The following ORC2 variants were observed in gnomAD, a reference collection of about 807,000 sequenced individuals.
The protein encoded by ORC2 is origin recognition complex protein 2 homolog.
ORC2 carries 37 observed loss-of-function variants against 77.7 expected under a neutral mutation model. That is an observed-to-expected ratio of 0.48 (90% confidence interval 0.37 to 0.63). ORC2 has a LOEUF of 0.63. Among genes scored for constraint, ORC2 ranks in the 20% least tolerant of loss-of-function variants. The pLI is 0.00. For missense variants in ORC2, 557 were observed against 661.9 expected (o/e 0.84, Z 1.74); for synonymous variants, 201 against 229.5 (o/e 0.88, Z 1.12).
chr2:200,940,675 A>T (rs2041132767), intron 7 of ORC2, among the ~76,000 whole-genome samples: 2 of 151,976 alleles, frequency 1.3e-5, no homozygotes, highest in African/African-American at 4.8e-5. Flanking sequence ...GGTGGTGCAC[A>T]CCTGTAATCC....
intron 10 of ORC2, among the ~76,000 whole-genome samples, chr2:200,933,514 C>T (rs781709232): frequency 5.3e-5 from 8 of 151,956 alleles, no homozygotes; most frequent in East Asian, 3.9e-4. Context: ...AAATAATAAA[C>T]GAGTAAGAGG....
chr2:200,914,936 TCA>T (rs759136445), intron 15 of ORC2, among the ~76,000 whole-genome samples: 2 of 150,918 alleles, frequency 1.3e-5, no homozygotes, highest in Non-Finnish European at 2.9e-5. Context: ...TAACAGAAAT[TCA>T]CACATTTATA....
At chr2:200,939,188 T>TA (rs967825773) in intron 7 of ORC2, among the ~76,000 whole-genome samples, 32 of 152,070 alleles carry the variant, frequency 2.1e-4, no homozygotes, top group Admixed American at 1.0e-3. Flanking sequence ...TATATATAAC[T>TA]AAAAAAAATT....
intron 4 of ORC2, among the ~76,000 whole-genome samples, chr2:200,952,552 C>T (rs1484041191): frequency 2.0e-5 from 3 of 151,976 alleles, no homozygotes; most frequent in African/African-American, 7.2e-5. Flanking sequence ...TGAGCCACCG[C>T]GCCCGGCCTA....
intron 6 of ORC2, 47 bp downstream of exon 6, chr2:200,942,638 G>T: frequency 2.0e-6 from 2 of 1,013,524 alleles, no homozygotes; most frequent in Non-Finnish European, 3.0e-6. Flanking sequence ...GCTCTATCTT[G>T]AAGCAACTAT....
chr2:200,931,613 A>G (rs2040942709), intron 10 of ORC2, among the ~76,000 whole-genome samples, 165 bp from the exon 11 acceptor site: 1 of 152,188 alleles, frequency 6.6e-6, no homozygotes, highest in African/African-American at 2.4e-5. Context: ...CAAAATTCTT[A>G]AAAAATAATT....
intron 14 of ORC2, 46 bp downstream of exon 14, chr2:200,920,947 G>GT (rs1179599213): frequency 7.3e-7 from 1 of 1,367,300 alleles, no homozygotes; most frequent in African/African-American, 1.5e-5. Flanking sequence ...AATTTGTCTT[G>GT]TAAGACTGAT....
chr2:200,944,942 TG>T (rs2125009440), intron 5 of ORC2, among the ~76,000 whole-genome samples: 1 of 152,314 alleles, frequency 6.6e-6, no homozygotes, highest in Non-Finnish European at 1.5e-5. Flanking sequence ...TATAAGTCTA[TG>T]GGGCCAAACC....
intron 15 of ORC2, among the ~76,000 whole-genome samples, chr2:200,917,239 C>A (rs915371450): frequency 6.6e-6 from 1 of 152,084 alleles, no homozygotes; most frequent in African/African-American, 2.4e-5. Context: ...AAACGATCTG[C>A]CTGCTTCAGC....
chr2:200,960,679 G>C (rs942053888), intron 1 of ORC2, among the ~76,000 whole-genome samples: 1 of 152,020 alleles, frequency 6.6e-6, no homozygotes, highest in East Asian at 1.9e-4. Flanking sequence ...AGTAAACTGA[G>C]GTCAACTCAT....
At chr2:200,933,276 T>G (rs945897542) in intron 10 of ORC2, among the ~76,000 whole-genome samples, 2 of 147,334 alleles carry the variant, frequency 1.4e-5, no homozygotes, top group African/African-American at 5.0e-5. Context: ...CCATGGTACA[T>G]AGTAATCTTG....
intron 5 of ORC2, among the ~76,000 whole-genome samples, chr2:200,948,195 G>A (rs982820481): frequency 3.9e-5 from 6 of 152,026 alleles, no homozygotes; most frequent in South Asian, 2.1e-4. Context: ...TTACAGGCGT[G>A]AGCCACTGCA....
At position 200,933,898 on chromosome 2, in the gene ORC2, A is replaced by G; in HGVS notation, c.785T>C (p.Leu262Pro). The G allele has an allele frequency of 6.2e-7, 1 of 1,607,016 alleles. No individual in the cohort carries two copies. The highest frequency in any genetic ancestry group is 8.5e-7 in the Non-Finnish European group (1 of 1,175,860). The change falls in exon 10 of 18, where the codon CTA becomes CCA. Residue 262 changes from leucine (L) to proline (P), a missense_variant. Transcript: ENST00000234296. ...VLTSDRTLQK[L>P]KRAKLDQQTL... ...TACCTGATCCAGTTTAGCTCTCTTT[A>G]GCTTCTGCAGTGTTCTATCAGAGGT...
At chr2:200,921,447 T>G (rs1232675310) in intron 13 of ORC2, 2 of 179,210 alleles carry the variant, frequency 1.1e-5, no homozygotes, top group South Asian at 3.7e-4. Context: ...CAGCTGCAAT[T>G]ATTATTTTTA....
At chr2:200,959,331 G>A (rs940573831) in intron 2 of ORC2, 61 bp downstream of exon 2, 7 of 152,118 alleles carry the variant, frequency 4.6e-5, no homozygotes, top group African/African-American at 1.7e-4. Context: ...CTAATTCAAT[G>A]TTACCAAGTT....
At chr2:200,920,897 G>A (rs926453659) in intron 14 of ORC2, 96 bp downstream of exon 14, 21 of 775,278 alleles carry the variant, frequency 2.7e-5, no homozygotes, top group South Asian at 4.7e-5. Context: ...GGGAAAAAGC[G>A]TACTAAAAAC....
chr2:200,961,124 T>G (rs913287357), intron 1 of ORC2, among the ~76,000 whole-genome samples: 4 of 152,128 alleles, frequency 2.6e-5, no homozygotes, highest in African/African-American at 7.2e-5. Context: ...TCTCCTGCCA[T>G]CAAATAAAAA....
chr2:200,935,814 T>C lies in ORC2; in HGVS notation c.593A>G (p.His198Arg). The C allele has an allele frequency of 6.2e-7, 1 of 1,614,140 alleles. No homozygotes were observed. Among genetic ancestry groups the C allele is most frequent in the East Asian group, 2.2e-5 (1 of 44,876 alleles). Residue 198 changes from histidine to arginine, a missense_variant, in exon 9 of 18, where the codon CAT (histidine) becomes CGT (arginine). His to Arg is a conservative substitution (Grantham distance 29). Transcript: ENST00000234296. The stretch of plus-strand genomic sequence containing the variant: ...TATGACTGCATTAGTGTCCTCTTCA[T>C]GTTCCTGTGCAACCCCTTCATCATC... Reference protein sequence around the residue: ...SEDDEGVAQEHEEDTNAVIFS... With the variant: ...SEDDEGVAQEREEDTNAVIFS...
In ORC2 at chr2:200,918,773, G is replaced by A. The variant is rs192404729; in HGVS notation, c.1466+1449C>T. On this transcript the variant is annotated intron_variant, in intron 15 of 17. Transcript: ENST00000234296. ...CAAAGTGCTGGGATTACAGGTGTGA[G>A]CTACCACACCCAGCTGACTGTTTAT... is the stretch of plus-strand genomic sequence containing the variant. Among the ~76,000 whole-genome samples the A allele has an allele frequency of 1.9e-3, 284 of 152,244 alleles. 3 individuals are homozygous for A. Among genetic ancestry groups the A allele is most frequent in the African/African-American group, 6.4e-3 (268 of 41,562 alleles).
Sources: allele counts gnomAD v4.1 joint callset (sites outside exome capture counted in the v4.1 genomes callset), GRCh38; gene constraint gnomAD v4.1.1; transcripts MANE v1.5; gene names NCBI Gene and HGNC (gene_info 2026-07-23, HGNC 2026-07-21).